Variants in ALPG observed in about 807,000 individuals in gnomAD.
The protein encoded by ALPG is alkaline phosphatase, germ cell.
A neutral mutation model predicts 48.6 loss-of-function variants in ALPG; 32 were observed. The ratio of observed to expected loss-of-function variants is 0.66; its 90% CI spans 0.50 to 0.88. ALPG has a LOEUF of 0.88. Ranked by LOEUF, ALPG falls within the 40% of genes least tolerant of loss-of-function variation. ALPG has a pLI of 0.00. For synonymous variants in ALPG, 244 were observed against 308.9 expected (o/e 0.79, Z 2.20); for missense variants, 533 against 718.1 (o/e 0.74, Z 2.95).
rs187153549 is a variant in ALPG at position 232,407,429 on chromosome 2, C to G, written c.300+28C>G. 32 of 1,610,536 alleles carry G rather than the reference C, an allele frequency of 2.0e-5. No homozygotes were observed. In the East Asian group the frequency reaches 6.5e-4, roughly 33 times the overall value. ...AAGTGCTGGGCTACCTTAGAGTCCT[C>G]CAAGCAGAGAAGGGGAATCCTGGCT... On this transcript the variant is annotated intron_variant, in intron 3 of 10. Coordinates refer to ENST00000295453, the MANE Select transcript of ALPG (RefSeq NM_031313.3).
In ALPG at chr2:232,408,554, G is replaced by A. The variant is rs569714742; in HGVS notation, c.837G>A (p.Pro279=). ...AGCTCCTGCAGGCTTCCCTGGACCC[G>A]TCTGTGACCCATCTCATGGGTAATG... The part of the protein sequence containing the change: ...RTELLQASLD[P]SVTHLMGLFE... The change falls in exon 7 of 11, where the codon CCG becomes CCA. Residue 279 remains proline, a synonymous_variant. Coordinates refer to ENST00000295453, the MANE Select transcript of ALPG (RefSeq NM_031313.3). 36 of 1,556,162 alleles carry A rather than the reference G, an allele frequency of 2.3e-5. 3 individuals are homozygous for A. Among genetic ancestry groups the A allele is most frequent in the Admixed American group, 6.8e-5 (4 of 58,416 alleles).
chr2:232,407,737 C>T lies in ALPG; in HGVS notation c.444C>T (p.Val148=), dbSNP rs777099774. The T allele has an allele frequency of 3.1e-6, 5 of 1,613,796 alleles. No individual in the cohort carries two copies. In the South Asian group the frequency reaches 4.4e-5, roughly 14 times the overall value. Residue 148 remains valine (V), a synonymous_variant, in exon 4 of 11, where the codon GTC becomes GTT. Transcript: ENST00000295453. The stretch of plus-strand genomic sequence containing the variant: ...GCAACACGACACGCGGCAACGAGGT[C>T]ATCTCCGTGATGAATCGGGCCAAGA... ...NQCNTTRGNE[V]ISVMNRAKKA...
chr2:232,408,224 C>G, intron 5 of ALPG, 43 bp from the exon 6 acceptor site: 1 of 1,609,604 alleles, frequency 6.2e-7, no homozygotes, highest in East Asian at 2.2e-5. Context: ...GACACGGGGC[C>G]AGCCAGGCCC....
rs748973186 is a variant in ALPG at position 232,409,409 on chromosome 2, A to G, written c.1261A>G (p.Lys421Glu). The change falls in exon 10 of 11, where the codon AAG becomes GAG. Residue 421 changes from lysine to glutamate, a missense_variant. Physicochemically the swap from Lys to Glu is moderately conservative, Grantham distance 56. This residue lies in a region of ALPG where 145 missense variants were observed against 174.3 expected (regional missense o/e 0.83). Coordinates refer to ENST00000295453, the MANE Select transcript of ALPG (RefSeq NM_031313.3). ...LYGNGPGYVLKDGARPDVTES... is the reference protein window; with the variant it reads ...LYGNGPGYVLEDGARPDVTES... ...CGGAAACGGTCCAGGCTATGTGCTC[A>G]AGGACGGCGCCCGGCCGGATGTTAC... is the stretch of plus-strand genomic sequence containing the variant. 34 of 1,557,354 alleles carry G rather than the reference A, an allele frequency of 2.2e-5. No homozygotes were observed. The Admixed American group carries it at 5.8e-4, about 27-fold the overall frequency.
In ALPG at chr2:232,407,990, G is replaced by C. The variant is rs151276345; in HGVS notation, c.621G>C (p.Thr207=). ...AGGAGGGGTGCCAGGACATCGCCACGCAGCTCATCTCCAACATGGACATTG... is the reference window on the plus strand; with the variant it reads ...AGGAGGGGTGCCAGGACATCGCCACCCAGCTCATCTCCAACATGGACATTG... ...ARQEGCQDIA[T]QLISNMDIDV... The change falls in exon 5 of 11, where the codon ACG becomes ACC. Residue 207 remains threonine (T), a synonymous_variant. Transcript: ENST00000295453. 2.1e-4 allele frequency: 345 copies of C among 1,612,612 alleles called. 2 individuals carry two copies. In the East Asian group the frequency reaches 5.7e-3, roughly 27 times the overall value.
At chr2:232,408,088 G>T in intron 5 of ALPG, 71 bp downstream of exon 5, 1 of 1,570,650 alleles carries the variant, frequency 6.4e-7, no homozygotes, top group Non-Finnish European at 8.6e-7. Flanking sequence ...TCAGACCCAG[G>T]CAACCAAAAG....
rs1228288322 is a variant in ALPG at position 232,410,204 on chromosome 2, A to T, written c.*332A>T. ...GATCAGGCAGGCTCTCTCCCCGGGG[A>T]CATGAGGCACCCATACCTAGGACCC... On this transcript the variant is annotated 3_prime_UTR_variant, in exon 11 of 11. Coordinates refer to ENST00000295453, the MANE Select transcript of ALPG (RefSeq NM_031313.3). 4.7e-6 allele frequency: 2 copies of T among 425,780 alleles called. No homozygotes were observed. Among genetic ancestry groups the T allele is most frequent in the Non-Finnish European group, 4.2e-6 (1 of 238,836 alleles). 26.4% of individuals were successfully genotyped at this position (425,780 alleles called of 1,614,324 possible). A position where few individuals can be genotyped will look rare whatever the true frequency, so the allele number is the denominator to read the frequency against.
chr2:232,409,659 C>T lies in ALPG; in HGVS notation c.1386C>T (p.Gly462=). Residue 462 remains glycine, a synonymous_variant, in exon 11 of 11, where the codon GGC becomes GGT. Coordinates refer to ENST00000295453, the MANE Select transcript of ALPG (RefSeq NM_031313.3). ...AGGACGTGGCGGTGTTCGCGCGCGG[C>T]CCGCAGGCGCACCTGGTTCACGGCG... ...AGEDVAVFAR[G]PQAHLVHGVQ... 6.2e-7 allele frequency: 1 copy of T among 1,611,660 alleles called. No homozygotes were observed. The highest frequency in any genetic ancestry group is 2.2e-5 in the East Asian group (1 of 44,828).
chr2:232,410,675 AAC>A lies in ALPG; in HGVS notation c.*807_*808del, dbSNP rs2106392359. The A allele has an allele frequency of 6.6e-6, 1 of 152,420 alleles. No homozygotes were observed. The highest frequency in any genetic ancestry group is 2.1e-4 in the South Asian group (1 of 4,830). 9.4% of individuals were successfully genotyped at this position (152,420 alleles called of 1,614,324 possible). On this transcript the variant is annotated 3_prime_UTR_variant, in exon 11 of 11. Transcript: ENST00000295453. ...TCCCTGGGCCTCCATTCTTCTGGGA[AAC>A]ACAAAGCAATAATAAAAGGAAGTGT...
Position 232,406,880 on chromosome 2 carries a change from C to T in ALPG, c.-15C>T, listed in dbSNP as rs761067658. On this transcript the variant is annotated 5_prime_UTR_variant, in exon 1 of 11. Transcript: ENST00000295453. The stretch of plus-strand genomic sequence containing the variant: ...CTGGGATTTCCGCCTCGCCGCTCTC[C>T]GACTGCTTCCAGACATGCAGGGGCC... 4.4e-6 allele frequency: 7 copies of T among 1,607,304 alleles called. No homozygotes were observed. In the South Asian group the frequency reaches 4.5e-5, roughly 10 times the overall value.
In ALPG at chr2:232,408,271, T is replaced by C. The variant is rs1490794122; in HGVS notation, c.653T>C (p.Ile218Thr). ...QLISNMDIDV[I>T]LGGGRKYMFP... ...TGCCCCATCCTCTGTTCCCAGGTGATCCTAGGTGGAGGCCGAAAGTACATG... is the reference window on the plus strand; with the variant it reads ...TGCCCCATCCTCTGTTCCCAGGTGACCCTAGGTGGAGGCCGAAAGTACATG... Residue 218 changes from isoleucine (I) to threonine (T), a missense_variant, in exon 6 of 11, where the codon ATC (isoleucine) becomes ACC (threonine). By Grantham distance (89) the Ile-to-Thr change is moderately conservative. Around this residue, in one of 6 missense-constraint regions of ALPG, gnomAD observed 315 missense variants for 305.8 expected, o/e 1.03. Transcript: ENST00000295453. 4 of 1,613,462 alleles carry C rather than the reference T, an allele frequency of 2.5e-6. No homozygotes were observed. The Admixed American group carries it at 6.7e-5, about 27-fold the overall frequency.
chr2:232,408,012 A>G lies in ALPG; in HGVS notation c.643A>G (p.Ile215Val), dbSNP rs1697122254. The G allele has an allele frequency of 1.2e-6, 2 of 1,610,202 alleles. No individual in the cohort carries two copies. Among genetic ancestry groups the G allele is most frequent in the African/African-American group, 2.7e-5 (2 of 75,020 alleles). ...CACGCAGCTCATCTCCAACATGGAC[A>G]TTGATGTGCGACCCCCGGGCCAAGG... ...IATQLISNMDIDVILGGGRKY... is the reference protein window; with the variant it reads ...IATQLISNMDVDVILGGGRKY... Residue 215 changes from isoleucine (I) to valine (V), a missense_variant, in exon 5 of 11, where the codon ATT becomes GTT. By Grantham distance (29) the Ile-to-Val change is conservative. Coordinates refer to ENST00000295453, the MANE Select transcript of ALPG (RefSeq NM_031313.3).
Position 232,408,049 on chromosome 2 carries a change from G to C in ALPG, c.648+32G>C, listed in dbSNP as rs753201676. ...CCCCCGGGCCAAGGGCTGGGGCTGG[G>C]CAGAGAGTAGCAGGGAGGGGGCACC... On this transcript the variant is annotated intron_variant, in intron 5 of 10. Coordinates refer to ENST00000295453, the MANE Select transcript of ALPG (RefSeq NM_031313.3). 1.9e-6 allele frequency: 3 copies of C among 1,588,624 alleles called. No homozygotes were observed. In the East Asian group the frequency reaches 6.7e-5, roughly 35 times the overall value.
Position 232,406,992 on chromosome 2 carries a change from ACAC to A in ALPG, c.67+32_67+34del, listed in dbSNP as rs371739502. The stretch of plus-strand genomic sequence containing the variant: ...GAGGCTCCCCCAGCTGCCCCTACAC[ACAC>A]ACACACACACAGGGCACCCCCCAGC... On this transcript the variant is annotated intron_variant, in intron 1 of 10. Coordinates refer to ENST00000295453, the MANE Select transcript of ALPG (RefSeq NM_031313.3). 2,362 of 1,568,736 alleles carry A rather than the reference ACAC, an allele frequency of 1.5e-3. 35 individuals carry two copies. In the African/African-American group the frequency reaches 0.024, roughly 16 times the overall value.
At position 232,409,812 on chromosome 2, in the gene ALPG, C is replaced by T. The variant is rs536368889; in HGVS notation, c.1539C>T (p.Pro513=). 70 of 1,592,668 alleles carry T rather than the reference C, an allele frequency of 4.4e-5. No individual in the cohort carries two copies. The highest frequency in any genetic ancestry group is 5.9e-5 in the Non-Finnish European group (69 of 1,171,698). ...DAAHPGPSVV[P]ALLPLLAGTL... is the part of the protein sequence containing the mutation. ...CGCACCCGGGGCCGTCCGTGGTCCCCGCGTTGCTTCCTCTGCTGGCAGGGA... is the reference window on the plus strand; with the variant it reads ...CGCACCCGGGGCCGTCCGTGGTCCCTGCGTTGCTTCCTCTGCTGGCAGGGA... The change falls in exon 11 of 11, where the codon CCC becomes CCT. Residue 513 remains proline (P), a synonymous_variant. Coordinates refer to ENST00000295453, the MANE Select transcript of ALPG (RefSeq NM_031313.3).
At chr2:232,408,081 G>A (rs1416266915) in intron 5 of ALPG, 64 bp downstream of exon 5, 3 of 1,573,446 alleles carry the variant, frequency 1.9e-6, no homozygotes, top group Non-Finnish European at 2.6e-6. Context: ...CACCAGCTCA[G>A]ACCCAGGCAA....
intron 10 of ALPG, 61 bp downstream of exon 10, chr2:232,409,509 G>C: frequency 1.2e-6 from 2 of 1,609,326 alleles, no homozygotes; most frequent in Non-Finnish European, 1.7e-6. Flanking sequence ...GGGGCTGGCG[G>C]GAAGGGGTCA....
At position 232,410,296 on chromosome 2, in the gene ALPG, C is replaced by T. The variant is rs1697165878; in HGVS notation, c.*424C>T. 1 of 213,412 alleles carries T rather than the reference C, an allele frequency of 4.7e-6. No individual in the cohort carries two copies. Among genetic ancestry groups the T allele is most frequent in the Non-Finnish European group, 9.2e-6 (1 of 108,242 alleles). The allele number at this position is 213,412 out of a possible 1,614,324, so 13.2% of individuals were successfully genotyped here. A position where few individuals can be genotyped will look rare whatever the true frequency, so the allele number is the denominator to read the frequency against. On this transcript the variant is annotated 3_prime_UTR_variant, in exon 11 of 11. Coordinates refer to ENST00000295453, the MANE Select transcript of ALPG (RefSeq NM_031313.3). Reference sequence around the variant, plus strand: ...ACACAAGGACTTGGGTGCATCAGGACGCCTTGGAGAAGCGTGGCTTCCTGC... The same window carrying T: ...ACACAAGGACTTGGGTGCATCAGGATGCCTTGGAGAAGCGTGGCTTCCTGC...
intron 4 of ALPG, 22 bp from the exon 5 acceptor site, chr2:232,407,823 T>G: frequency 6.2e-7 from 1 of 1,613,620 alleles, no homozygotes; most frequent in Non-Finnish European, 8.5e-7. Context: ...CTATCGCATA[T>G]CCTGACCTCT....
Sources: allele counts gnomAD v4.1 joint callset, GRCh38; gene constraint gnomAD v4.1.1; regional missense constraint gnomAD v4.1.1; transcripts MANE v1.5; gene names NCBI Gene and HGNC (gene_info 2026-07-23, HGNC 2026-07-21).